The following SEC23A variants were observed in gnomAD, a reference collection of about 807,000 sequenced individuals.
SEC23A encodes SEC23 homolog A, COPII component, also known as protein transport protein Sec23A.
Under a neutral mutation model 103.7 loss-of-function variants are expected in SEC23A, and 56 were observed. The observed-to-expected ratio is 0.54, with a 90% confidence interval of 0.44 to 0.67. The LOEUF is 0.67. Ranked by LOEUF, SEC23A falls within the 30% of genes least tolerant of loss-of-function variation. The pLI, the probability that SEC23A is intolerant of heterozygous loss-of-function variation, is 0.00. For synonymous variants in SEC23A, 281 were observed against 293.0 expected (o/e 0.96, Z 0.42); for missense variants, 784 against 936.4 (o/e 0.84, Z 2.12).
At chr14:39,068,234 T>C (rs1886738852) in intron 9 of SEC23A, among the ~76,000 whole-genome samples, 1 of 152,160 alleles carries the variant, frequency 6.6e-6, no homozygotes, top group Non-Finnish European at 1.5e-5. Flanking sequence ...GACAGCAACA[T>C]ATTATGTTGG....
chr14:39,088,170 A>G (rs1464816009), intron 5 of SEC23A: 2 of 152,210 alleles, frequency 1.3e-5, no homozygotes, highest in African/African-American at 4.8e-5. Context: ...CTATCTGGGG[A>G]GCAAAGGCCA....
intron 19 of SEC23A, among the ~76,000 whole-genome samples, chr14:39,038,533 T>C (rs543268120): frequency 1.3e-5 from 2 of 152,156 alleles, no homozygotes; most frequent in Admixed American, 6.5e-5. Context: ...TTTTAAGAGA[T>C]GGAGTCTTGC....
chr14:39,089,113 G>A (rs1887568419), intron 5 of SEC23A, among the ~76,000 whole-genome samples: 2 of 145,154 alleles, frequency 1.4e-5, no homozygotes, highest in African/African-American at 5.1e-5. Context: ...GGCGGAGATT[G>A]CAAGATCATG....
intron 16 of SEC23A, among the ~76,000 whole-genome samples, chr14:39,044,877 T>C (rs1885776074): frequency 6.6e-6 from 1 of 152,156 alleles, no homozygotes; most frequent in African/African-American, 2.4e-5. Flanking sequence ...ATCATATGCT[T>C]TGGAGGATTT....
intron 15 of SEC23A, among the ~76,000 whole-genome samples, chr14:39,047,771 G>A (rs770301285): frequency 6.0e-4 from 91 of 152,238 alleles, no homozygotes; most frequent in Non-Finnish European, 1.2e-3. Context: ...AAAGCTCCTT[G>A]TAAGAGGGAT....
At chr14:39,090,750 G>A (rs1335135319) in intron 5 of SEC23A, among the ~76,000 whole-genome samples, 2 of 152,072 alleles carry the variant, frequency 1.3e-5, no homozygotes, top group Non-Finnish European at 2.9e-5. Context: ...CCCTGCACTC[G>A]CCCACATCAT....
intron 14 of SEC23A, among the ~76,000 whole-genome samples, chr14:39,049,600 G>A (rs1885974171): frequency 1.3e-5 from 2 of 151,620 alleles, no homozygotes; most frequent in South Asian, 4.2e-4. Flanking sequence ...AACATAGCGA[G>A]ATCCTGTCTC....
chr14:39,050,538 G>A (rs1886020450), intron 14 of SEC23A, among the ~76,000 whole-genome samples: 2 of 152,210 alleles, frequency 1.3e-5, no homozygotes. Flanking sequence ...TAGATGAAGT[G>A]TTTACCCAGG....
intron 1 of SEC23A, 91 bp from the exon 2 acceptor site, chr14:39,096,230 C>T: frequency 2.3e-6 from 2 of 878,272 alleles, no homozygotes; most frequent in Non-Finnish European, 3.7e-6. Flanking sequence ...GCAATATTAA[C>T]ACCTTAGAAA....
intron 15 of SEC23A, 80 bp from the exon 16 acceptor site, chr14:39,045,404 T>C: frequency 2.0e-6 from 2 of 998,384 alleles, no homozygotes; most frequent in Non-Finnish European, 3.1e-6. Flanking sequence ...AATATTTGAT[T>C]ACAAACTATT....
In SEC23A at chr14:39,032,375, T is replaced by G. The variant is rs1259911416; in HGVS notation, c.*864A>C. 4 of 152,636 alleles carry G rather than the reference T, an allele frequency of 2.6e-5. No individual in the cohort carries two copies. The highest frequency in any genetic ancestry group is 2.0e-4 in the Admixed American group (3 of 15,290). 9.5% of individuals were successfully genotyped at this position (152,636 alleles called of 1,614,324 possible). ...AATGTGTAAACTGCCAAAATAGTGT[T>G]AAAATACTGAAGGATATAATGCAAA... On this transcript the variant is annotated 3_prime_UTR_variant, in exon 20 of 20. Transcript: ENST00000307712.
At chr14:39,058,318 T>G (rs1886317288) in intron 13 of SEC23A, among the ~76,000 whole-genome samples, 1 of 152,078 alleles carries the variant, frequency 6.6e-6, no homozygotes, top group African/African-American at 2.4e-5. Flanking sequence ...TTTTATTTTT[T>G]GAGACGGAGT....
intron 14 of SEC23A, 98 bp downstream of exon 14, chr14:39,055,045 G>T: frequency 1.4e-6 from 2 of 1,408,230 alleles, no homozygotes; most frequent in Middle Eastern, 1.9e-4. Context: ...CAGTATTTCA[G>T]ATACACTGTT....
At chr14:39,056,251 A>C (rs1886243294) in intron 13 of SEC23A, among the ~76,000 whole-genome samples, 2 of 152,128 alleles carry the variant, frequency 1.3e-5, no homozygotes, top group African/African-American at 4.8e-5. Flanking sequence ...TTCTGAGTGC[A>C]CTCAATAAAA....
intron 9 of SEC23A, among the ~76,000 whole-genome samples, chr14:39,070,992 A>C (rs531134829): frequency 6.6e-5 from 10 of 152,226 alleles, no homozygotes; most frequent in African/African-American, 2.4e-4. Flanking sequence ...GTGCCACTGC[A>C]CTCCAGCTTG....
At chr14:39,090,502 T>A (rs1490807192) in intron 5 of SEC23A, among the ~76,000 whole-genome samples, 1 of 152,128 alleles carries the variant, frequency 6.6e-6, no homozygotes, top group Non-Finnish European at 1.5e-5. Context: ...GTCCCAGTGA[T>A]AAAAACCACT....
chr14:39,083,931 T>G (rs546358988), intron 7 of SEC23A, among the ~76,000 whole-genome samples: 59 of 152,266 alleles, frequency 3.9e-4, no homozygotes, highest in African/African-American at 1.1e-3. Flanking sequence ...TCAAATAGTT[T>G]GGAGAAAAAA....
chr14:39,044,733 A>T (rs1885770957), intron 16 of SEC23A, among the ~76,000 whole-genome samples: 1 of 152,224 alleles, frequency 6.6e-6, no homozygotes, highest in South Asian at 2.1e-4. Flanking sequence ...CAAAAAAACA[A>T]AGGAAAATGA....
At chr14:39,077,842 A>G (rs113493873) in intron 7 of SEC23A, among the ~76,000 whole-genome samples, 5 of 152,222 alleles carry the variant, frequency 3.3e-5, no homozygotes, top group African/African-American at 1.2e-4. Context: ...CTGAGGCAAG[A>G]GAATTGCTTG....
Sources: allele counts gnomAD v4.1 joint callset (sites outside exome capture counted in the v4.1 genomes callset), GRCh38; gene constraint gnomAD v4.1.1; transcripts MANE v1.5; gene names NCBI Gene and HGNC (gene_info 2026-07-23, HGNC 2026-07-21).